LIFR: variants seen among roughly 807,000 people sequenced by gnomAD.
The protein encoded by LIFR is LIF receptor subunit alpha, also known as leukemia inhibitory factor receptor.
In LIFR, 84 loss-of-function variants were observed where a neutral mutation model predicts 122.2. The ratio of observed to expected loss-of-function variants is 0.69; its 90% CI spans 0.58 to 0.82. LIFR has a LOEUF of 0.82. LIFR is among the 40% of genes least tolerant of loss of function. The pLI, the probability that LIFR is intolerant of heterozygous loss-of-function variation, is 0.00. For synonymous variants in LIFR, 422 were observed against 434.7 expected, an observed-to-expected ratio of 0.97 and a Z score of 0.36; for missense variants, 1,294 against 1,311.6, an observed-to-expected ratio of 0.99 and a Z score of 0.21.
At chr5:38,517,273 A>G (rs1319098654) in intron 5 of LIFR, among the ~76,000 whole-genome samples, 3 of 152,138 alleles carry the variant, frequency 2.0e-5, no homozygotes, top group Non-Finnish European at 4.4e-5. Context: ...GTGACAAATA[A>G]TATTTGTTTA....
At chr5:38,553,602 A>G (rs1300335100) in intron 1 of LIFR, among the ~76,000 whole-genome samples, 1 of 121,436 alleles carries the variant, frequency 8.2e-6, no homozygotes, top group Non-Finnish European at 1.7e-5. Context: ...AAATTCTAAG[A>G]GGAGTTTGGA....
chr5:38,605,639 C>T (rs558585631), intron 2 of LIFR, among the ~76,000 whole-genome samples: 1 of 152,154 alleles, frequency 6.6e-6, no homozygotes, highest in African/African-American at 2.4e-5. Flanking sequence ...AAAAAGATAC[C>T]TGCTAAGATA....
At chr5:38,510,033 T>C (rs1276319428) in intron 7 of LIFR, among the ~76,000 whole-genome samples, 2 of 152,242 alleles carry the variant, frequency 1.3e-5, no homozygotes, top group Non-Finnish European at 2.9e-5. Flanking sequence ...AGAAGATATG[T>C]TATGCTACTG....
Position 38,606,959 on chromosome 5 carries a change from T to C in LIFR, n.204-653A>G, listed in dbSNP as rs1433563691. ...ATTTATTATAAAAGTTAAACTGATA[T>C]GCAACATTTGTTTTTAAACAAAAAA... On this transcript the variant is annotated intron_variant and non_coding_transcript_variant, in intron 1 of 3. Coordinates refer to the LIFR transcript ENST00000507786. Among the ~76,000 whole-genome samples, 3 of 152,348 alleles carry C rather than the reference T, an allele frequency of 2.0e-5. No homozygotes were observed. The East Asian group carries it at 5.8e-4, about 29-fold the overall frequency.
At chr5:38,517,548 C>G (rs1338761934) in intron 5 of LIFR, among the ~76,000 whole-genome samples, 5 of 152,040 alleles carry the variant, frequency 3.3e-5, no homozygotes, top group Non-Finnish European at 7.4e-5. Context: ...AAGTGAGAGT[C>G]TGCAGGCTGA....
rs372322197 is a variant in LIFR, at chr5:38,554,876, C to A, written c.-20+1458G>T. ...TACCAACATATTTGTCAAGGATGAC[C>A]ATTCAGAAGCAAATTTTTCAAAAAT... On this transcript the variant is annotated intron_variant, in intron 1 of 19. Coordinates refer to ENST00000453190, the MANE Select transcript of LIFR (RefSeq NM_001127671.2). 13 of 152,262 alleles carry A rather than the reference C, an allele frequency of 8.5e-5. No individual in the cohort carries two copies. In the East Asian group the frequency reaches 2.5e-3, roughly 29 times the overall value. 9.4% of individuals were successfully genotyped at this position (152,262 alleles called of 1,614,324 possible).
intron 1 of LIFR, among the ~76,000 whole-genome samples, chr5:38,544,432 T>C (rs1270607627): frequency 6.6e-6 from 1 of 152,042 alleles, no homozygotes; most frequent in Non-Finnish European, 1.5e-5. Flanking sequence ...CCAAGCTTGA[T>C]CCACCAAGGG....
chr5:38,564,399 G>A (rs1340015240), intron 1 of LIFR, among the ~76,000 whole-genome samples: 1 of 129,516 alleles, frequency 7.7e-6, no homozygotes, highest in African/African-American at 3.0e-5. Context: ...TTTATTTTTT[G>A]TAGAGACAGG....
chr5:38,523,354 G>A, intron 5 of LIFR, 65 bp downstream of exon 5: 2 of 1,363,488 alleles, frequency 1.5e-6, no homozygotes, highest in Non-Finnish European at 2.1e-6. Context: ...CCACCTTAAG[G>A]CTTCTTAAAA....
At chr5:38,516,785 C>T (rs1490925195) in intron 5 of LIFR, among the ~76,000 whole-genome samples, 1 of 152,130 alleles carries the variant, frequency 6.6e-6, no homozygotes, top group African/African-American at 2.4e-5. Context: ...CTATTCACAA[C>T]AGCAAAGACT....
chr5:38,510,064 C>T (rs1386864002), intron 7 of LIFR, among the ~76,000 whole-genome samples: 1 of 152,114 alleles, frequency 6.6e-6, no homozygotes, highest in Non-Finnish European at 1.5e-5. Context: ...TGTAAAATTG[C>T]TATAATTTCT....
At chr5:38,547,830 A>G (rs536643671) in intron 1 of LIFR, among the ~76,000 whole-genome samples, 1 of 152,330 alleles carries the variant, frequency 6.6e-6, no homozygotes, top group African/African-American at 2.4e-5. Context: ...GCTATATGGT[A>G]TAATAGCCTA....
intron 1 of LIFR, among the ~76,000 whole-genome samples, chr5:38,553,319 T>C (rs1748305419): frequency 6.6e-6 from 1 of 152,092 alleles, no homozygotes; most frequent in African/African-American, 2.4e-5. Flanking sequence ...GCCCACATCC[T>C]GTCCCATTCT....
At chr5:38,550,656 T>C (rs193232098) in intron 1 of LIFR, among the ~76,000 whole-genome samples, 11 of 152,344 alleles carry the variant, frequency 7.2e-5, no homozygotes, top group East Asian at 1.9e-4. Flanking sequence ...TCAACAAATA[T>C]GTGAACGTCT....
At chr5:38,512,359 T>C (rs999403846) in intron 5 of LIFR, among the ~76,000 whole-genome samples, 5 of 151,932 alleles carry the variant, frequency 3.3e-5, no homozygotes, top group African/African-American at 9.7e-5. Context: ...CTCACACCTG[T>C]AATTTACCCA....
chr5:38,478,293 A>G lies in LIFR; in HGVS notation c.*3302T>C, dbSNP rs868197411. 107 of 206,038 alleles carry G rather than the reference A, an allele frequency of 5.2e-4. 1 individual carries two copies. The highest frequency in any genetic ancestry group is 2.7e-4 in the Non-Finnish European group (27 of 100,738). The allele number at this position is 206,038 out of a possible 1,614,324, so 12.8% of individuals were successfully genotyped here. On this transcript the variant is annotated 3_prime_UTR_variant, in exon 20 of 20. Coordinates refer to ENST00000453190, the MANE Select transcript of LIFR (RefSeq NM_001127671.2). ...TAATAGTACTAAATGTTCTAAATGT[A>G]ATCTTTCAGATCCACGAGCGGTGAA...
intron 1 of LIFR, among the ~76,000 whole-genome samples, chr5:38,535,469 C>A (rs182656457): frequency 1.3e-5 from 2 of 152,290 alleles, no homozygotes; most frequent in East Asian, 3.8e-4. Flanking sequence ...TAGAACACAG[C>A]CACGCCCACT....
chr5:38,524,089 G>A (rs1580110277), intron 4 of LIFR, among the ~76,000 whole-genome samples: 2 of 152,214 alleles, frequency 1.3e-5, no homozygotes, highest in East Asian at 3.8e-4. Context: ...CTGTATGGCT[G>A]TAGGGCAGCC....
At chr5:38,502,279 C>T (rs187416876) in intron 11 of LIFR, among the ~76,000 whole-genome samples, 50 of 151,802 alleles carry the variant, frequency 3.3e-4, no homozygotes, top group South Asian at 1.3e-3. Flanking sequence ...TATTTAGAGA[C>T]GGAGTTTCAC....
Sources: gnomAD v4.1 joint callset for allele counts (sites outside exome capture counted in the v4.1 genomes callset) on GRCh38, gnomAD v4.1.1 for gene constraint, MANE v1.5 for transcripts, NCBI Gene and HGNC (gene_info 2026-07-23, HGNC 2026-07-21) for gene names.